IQCE: variants seen among roughly 807,000 people sequenced by gnomAD.
IQCE encodes IQ domain-containing protein E.
In IQCE, 115 loss-of-function variants were observed where a neutral mutation model predicts 96.0. That is an observed-to-expected ratio of 1.20 (90% CI 1.03 to 1.40). The LOEUF is 1.40. IQCE is among the 40% of genes most tolerant of loss of function. The pLI is 0.00. For missense variants in IQCE, 1,041 were observed against 909.1 expected, an observed-to-expected ratio of 1.15 and a Z score of -1.87; for synonymous variants, 412 against 371.2, an observed-to-expected ratio of 1.11 and a Z score of -1.26.
intron 3 of IQCE, among the ~76,000 whole-genome samples, chr7:2,569,990 C>T (rs116243902): frequency 0.026 from 3,946 of 152,158 alleles, 174 homozygotes; most frequent in African/African-American, 0.09. Context: ...AGGCCAGGAC[C>T]GGGGGTGCCT....
intron 13 of IQCE, among the ~76,000 whole-genome samples, chr7:2,588,363 CT>C (rs1039991416): frequency 6.8e-6 from 1 of 146,006 alleles, no homozygotes; most frequent in African/African-American, 2.5e-5. Flanking sequence ...TTTTTTTTTT[CT>C]TTTTTTTTGA....
intron 6 of IQCE, among the ~76,000 whole-genome samples, chr7:2,575,271 G>C (rs1782035041): frequency 1.3e-5 from 2 of 152,220 alleles, no homozygotes; most frequent in African/African-American, 4.8e-5. Flanking sequence ...ACCCGCGAGG[G>C]TGGAGGTCCA....
At chr7:2,561,857 A>G (rs78003755) in intron 1 of IQCE, among the ~76,000 whole-genome samples, 6,188 of 152,276 alleles carry the variant, frequency 0.041, 155 homozygotes, top group Non-Finnish European at 0.06. Context: ...AGATAGTTTT[A>G]CTTCCTTCTT....
Position 2,598,474 on chromosome 7 carries a change from C to G in IQCE, c.1450C>G (p.Leu484Val), listed in dbSNP as rs1349745353. The G allele has an allele frequency of 1.3e-6, 2 of 1,581,494 alleles. No individual in the cohort carries two copies. Among genetic ancestry groups the G allele is most frequent in the African/African-American group, 2.7e-5 (2 of 73,406 alleles). ...CPEVPHKAQE[L>V]PAPTPSSRHC... is the part of the protein sequence containing the mutation. ...CTTCAATTTCCTGCAGGCCCAAGAGCTCCCAGCTCCCACTCCCAGCAGCAG... is the reference window on the plus strand; with the variant it reads ...CTTCAATTTCCTGCAGGCCCAAGAGGTCCCAGCTCCCACTCCCAGCAGCAG... The change falls in exon 17 of 22, where the codon CTC (leucine) becomes GTC (valine). Residue 484 changes from leucine to valine, a missense_variant. Physicochemically the swap from Leu to Val is conservative, Grantham distance 32 (BLOSUM62 1). Coordinates refer to ENST00000402050, the MANE Select transcript of IQCE (RefSeq NM_152558.5).
In IQCE at chr7:2,605,995, C is replaced by T. The variant is rs1784793862; in HGVS notation, c.1863C>T (p.His621=). Residue 621 remains histidine, a splice_region_variant and synonymous_variant, in exon 20 of 22, where the codon CAC becomes CAT. Coordinates refer to ENST00000402050, the MANE Select transcript of IQCE (RefSeq NM_152558.5). The part of the protein sequence containing the change: ...ALRAHLARAR[H]SATGKRTTTA... ...GGGCACACCTGGCCCGGGCCAGGCA[C>T]AGGTGAGTCAGGGTCACGGGGACGT... 1 of 1,606,944 alleles carries T rather than the reference C, an allele frequency of 6.2e-7. No individual in the cohort carries two copies. Among genetic ancestry groups the T allele is most frequent in the South Asian group, 1.1e-5 (1 of 89,930 alleles).
intron 6 of IQCE, among the ~76,000 whole-genome samples, chr7:2,575,832 T>C (rs942431687): frequency 2.6e-5 from 4 of 152,204 alleles, no homozygotes; most frequent in Admixed American, 2.6e-4. Flanking sequence ...CTCCCTGCCG[T>C]GTCGATCGCT....
intron 21 of IQCE, among the ~76,000 whole-genome samples, chr7:2,607,760 C>A (rs1160717426): frequency 6.6e-6 from 1 of 152,166 alleles, no homozygotes; most frequent in Non-Finnish European, 1.5e-5. Context: ...CACTCTCCAC[C>A]CCAAATCTAT....
chr7:2,572,597 A>T, intron 5 of IQCE: 2 of 611,202 alleles, frequency 3.3e-6, no homozygotes, highest in Non-Finnish European at 3.0e-6. Context: ...AGGCGTACTT[A>T]AATTTATTCA....
chr7:2,594,969 C>T lies in IQCE; in HGVS notation c.1433C>T (p.Pro478Leu), dbSNP rs780736988. The change falls in exon 16 of 22, where the codon CCT becomes CTT. Residue 478 changes from proline (P) to leucine (L), a missense_variant. Physicochemically the swap from Pro to Leu is moderately conservative, Grantham distance 98. Transcript: ENST00000402050. ...KEEKEDCPEV[P>L]HKAQELPAPT... ...GAGAAAGAGGATTGCCCGGAAGTTCCTCATAAGGTACAGTGACCATTCAGT... is the reference window on the plus strand; with the variant it reads ...GAGAAAGAGGATTGCCCGGAAGTTCTTCATAAGGTACAGTGACCATTCAGT... 2.5e-6 allele frequency: 4 copies of T among 1,609,468 alleles called. No homozygotes were observed. Among genetic ancestry groups the T allele is most frequent in the South Asian group, 2.2e-5 (2 of 90,980 alleles).
intron 18 of IQCE, among the ~76,000 whole-genome samples, chr7:2,602,522 G>A (rs1432115641): frequency 2.0e-5 from 3 of 152,166 alleles, no homozygotes; most frequent in Admixed American, 2.0e-4. Context: ...GGCTTCTCAC[G>A]CTGCCTTCCT....
intron 12 of IQCE, 114 bp downstream of exon 12, chr7:2,586,485 C>T (rs1048369338): frequency 1.7e-6 from 2 of 1,161,154 alleles, no homozygotes; most frequent in Non-Finnish European, 2.4e-6. Flanking sequence ...AGATGTGAAC[C>T]CTTGGGCAAC....
At chr7:2,601,557 C>CT (rs750331143) in intron 18 of IQCE, 93 bp downstream of exon 18, 1,217 of 941,184 alleles carry the variant, frequency 1.3e-3, no homozygotes, top group Non-Finnish European at 1.6e-3. Flanking sequence ...GATTCCTTTT[C>CT]TTTTTTTTTC....
Position 2,614,278 on chromosome 7 carries a change from C to T in IQCE, c.*4116C>T, listed in dbSNP as rs1156977470. 1.3e-5 allele frequency: 2 copies of T among 152,198 alleles called. No individual in the cohort carries two copies. The highest frequency in any genetic ancestry group is 2.4e-5 in the African/African-American group (1 of 41,454). 9.4% of individuals were successfully genotyped at this position (152,198 alleles called of 1,614,324 possible). Reference sequence around the variant, plus strand: ...ATCTGAATGAGATTCTATTATAACCCGTCTAAACGATTGCAAAATTCCTCC... The same window carrying T: ...ATCTGAATGAGATTCTATTATAACCTGTCTAAACGATTGCAAAATTCCTCC... On this transcript the variant is annotated 3_prime_UTR_variant, in exon 22 of 22. Transcript: ENST00000402050.
Position 2,590,122 on chromosome 7 carries a change from G to C in IQCE, c.1244+16G>C, listed in dbSNP as rs868314813. On this transcript the variant is annotated intron_variant, in intron 14 of 21. Transcript: ENST00000402050. ...TGCAGAGAGAGTAGGTCCTCCCAAG[G>C]CCCCGCCAGTGTCCCCACGGGCACA... 1.9e-6 allele frequency: 3 copies of C among 1,601,098 alleles called. No homozygotes were observed. The highest frequency in any genetic ancestry group is 2.6e-6 in the Non-Finnish European group (3 of 1,172,368).
chr7:2,581,135 G>A (rs975289641), intron 8 of IQCE, among the ~76,000 whole-genome samples: 4 of 151,928 alleles, frequency 2.6e-5, no homozygotes, highest in African/African-American at 4.8e-5. Flanking sequence ...GAGCCACCGC[G>A]CCCAGCCCTG....
At chr7:2,560,141 A>T (rs1426535817) in intron 1 of IQCE, among the ~76,000 whole-genome samples, 1 of 151,116 alleles carries the variant, frequency 6.6e-6, no homozygotes, top group East Asian at 1.9e-4. Flanking sequence ...TGAGAGACAG[A>T]GTGAGGCTGA....
intron 3 of IQCE, among the ~76,000 whole-genome samples, chr7:2,570,058 A>T (rs1268575062): frequency 6.6e-6 from 1 of 152,056 alleles, no homozygotes; most frequent in Non-Finnish European, 1.5e-5. Flanking sequence ...GAGTGTAGGG[A>T]CCATGTCTGT....
chr7:2,565,101 T>C (rs113842103), intron 1 of IQCE, among the ~76,000 whole-genome samples: 133 of 132,316 alleles, frequency 1.0e-3, no homozygotes, highest in African/African-American at 3.9e-3. Flanking sequence ...TGTGTGCGTG[T>C]GTGTGTGTGA....
chr7:2,598,330 C>A, intron 16 of IQCE, 135 bp from the exon 17 acceptor site: 1 of 826,152 alleles, frequency 1.2e-6, no homozygotes, highest in African/African-American at 1.7e-5. Context: ...TGTGGAACAG[C>A]TCTCTCCTCC....
Sources: gnomAD v4.1 joint callset for allele counts (sites outside exome capture counted in the v4.1 genomes callset) on GRCh38, gnomAD v4.1.1 for gene constraint, MANE v1.5 for transcripts, NCBI Gene and HGNC (gene_info 2026-07-23, HGNC 2026-07-21) for gene names.